POLE: variants seen among roughly 807,000 people sequenced by gnomAD.
POLE encodes the protein DNA polymerase epsilon, catalytic subunit, also known as DNA polymerase epsilon catalytic subunit A.
POLE carries 188 observed loss-of-function variants against 279.2 expected under a neutral mutation model. That is an observed-to-expected ratio of 0.67 (90% CI 0.60 to 0.76). The LOEUF (loss-of-function observed/expected upper bound fraction) is 0.76. Among genes scored for constraint, POLE ranks in the 30% least tolerant of loss-of-function variants. The pLI, the probability that POLE is intolerant of heterozygous loss-of-function variation, is 0.00. For synonymous variants in POLE, 1,214 were observed against 1,172.5 expected (o/e 1.04, Z -0.72); for missense variants, 2,703 against 3,016.7 (o/e 0.90, Z 2.44).
At position 132,657,189 on chromosome 12, in the gene POLE, C is replaced by T. The variant is rs2042562353; in HGVS notation, c.3529G>A (p.Val1177Ile). 1.2e-6 allele frequency: 2 copies of T among 1,613,974 alleles called. No individual in the cohort carries two copies. Among genetic ancestry groups the T allele is most frequent in the Non-Finnish European group, 8.5e-7 (1 of 1,179,974 alleles). The change falls in exon 29 of 49, where the codon GTC becomes ATC. Residue 1177 changes from valine (V) to isoleucine (I), a missense_variant. Transcript: ENST00000320574. ...LHKKLLEKND[V>I]YKQKKISELF... ...TCACTGATCTTCTTCTGCTTGTAGA[C>T]ATCATTCTTCTCCAGCAGTTTTTTG...
intron 2 of POLE, 125 bp from the exon 3 acceptor site, chr12:132,680,812 C>T: frequency 4.0e-6 from 3 of 741,066 alleles, no homozygotes; most frequent in Non-Finnish European, 7.0e-6. Flanking sequence ...CTTTACTCCA[C>T]CCCTACATTA....
chr12:132,659,593 G>T, intron 25 of POLE, 84 bp from the exon 26 acceptor site: 2 of 1,159,070 alleles, frequency 1.7e-6, no homozygotes, highest in East Asian at 2.4e-5. Context: ...TCTAGGCCAT[G>T]CCCTTCTCTA....
In POLE at chr12:132,639,076, C is replaced by T. The variant is rs2138507483; in HGVS notation, c.5552+49G>A. The T allele has an allele frequency of 6.4e-7, 1 of 1,552,772 alleles. No homozygotes were observed. On this transcript the variant is annotated intron_variant, in intron 40 of 48. Coordinates refer to ENST00000320574, the MANE Select transcript of POLE (RefSeq NM_006231.4). The surrounding 1 kb of genome is among the most constrained non-coding windows in gnomAD (Gnocchi z 4.7). ...TCTCTGGTTCTGGGGAGTAAGGGAC[C>T]AGCCCAGCTGAGGACGCGGTGGACA...
chr12:132,634,400 G>A lies in POLE; in HGVS notation c.5812-22C>T, dbSNP rs536438512. ...CTTGCTGTAACACATGAGACAACGC[G>A]GCTGTGTTTGCACCATCGCGGCCTG... On this transcript the variant is annotated intron_variant, in intron 42 of 48. Coordinates refer to ENST00000320574, the MANE Select transcript of POLE (RefSeq NM_006231.4). The surrounding 1 kb of genome is among the most constrained non-coding windows in gnomAD (Gnocchi z 4.0). The A allele has an allele frequency of 6.9e-6, 11 of 1,603,592 alleles. No homozygotes were observed. Among genetic ancestry groups the A allele is most frequent in the Middle Eastern group, 1.7e-4 (1 of 5,988 alleles).
At position 132,632,359 on chromosome 12, in the gene POLE, G is replaced by C. The variant is rs1049603207; in HGVS notation, c.6286C>G (p.Leu2096Val). 10 of 1,614,066 alleles carry C rather than the reference G, an allele frequency of 6.2e-6. No individual in the cohort carries two copies. The highest frequency in any genetic ancestry group is 2.2e-5 in the East Asian group (1 of 44,896). Reference protein sequence around the residue: ...MFPVLPGSHLLLNNPALEFIK... With the variant: ...MFPVLPGSHLVLNNPALEFIK... ...AACTCCAGGGCAGGGTTATTGAGCA[G>C]CAAGTGGGAACCGGGGAGGACAGGA... Residue 2096 changes from leucine (L) to valine (V), a missense_variant, in exon 45 of 49, where the codon CTG becomes GTG. Coordinates refer to ENST00000320574, the MANE Select transcript of POLE (RefSeq NM_006231.4).
chr12:132,624,290 G>A lies in POLE; in HGVS notation c.*407C>T, dbSNP rs2041784972. Reference sequence around the variant, plus strand: ...TCTCGTCTCAGAGCCCAATCTCAGGGAGCCAGAAGCCCCCAGGGGCTTTTC... The same window carrying A: ...TCTCGTCTCAGAGCCCAATCTCAGGAAGCCAGAAGCCCCCAGGGGCTTTTC... On this transcript the variant is annotated 3_prime_UTR_variant, in exon 49 of 49. Transcript: ENST00000320574. 3 of 278,480 alleles carry A rather than the reference G, an allele frequency of 1.1e-5. No individual in the cohort carries two copies. The South Asian group carries it at 2.6e-4, about 24-fold the overall frequency. 17.3% of individuals were successfully genotyped at this position (278,480 alleles called of 1,614,324 possible).
At chr12:132,671,262 C>CAAAAA (rs397850854) in intron 16 of POLE, among the ~76,000 whole-genome samples, 1 of 64,492 alleles carries the variant, frequency 1.6e-5, no homozygotes, top group Non-Finnish European at 2.7e-5. Context: ...GACTCCGTCT[C>CAAAAA]AAAAAAAAAA....
intron 45 of POLE, among the ~76,000 whole-genome samples, chr12:132,627,841 GACA>G (rs1057209815): frequency 8.4e-4 from 128 of 152,270 alleles, no homozygotes; most frequent in African/African-American, 3.0e-3. Context: ...CTTAAAACAA[GACA>G]ACAATGAAGT....
Position 132,676,745 on chromosome 12 carries a change from G to C in POLE, c.802-92C>G, listed in dbSNP as rs1419320264. On this transcript the variant is annotated intron_variant, in intron 8 of 48. Transcript: ENST00000320574. ...CCCCAGCCTGCTCTACCTCCCTCTGGTTGTTAAAAGAGTCAAAAGGCTCTA... is the reference window on the plus strand; with the variant it reads ...CCCCAGCCTGCTCTACCTCCCTCTGCTTGTTAAAAGAGTCAAAAGGCTCTA... The C allele has an allele frequency of 5.2e-6, 4 of 769,306 alleles. No homozygotes were observed. The Admixed American group carries it at 6.3e-5, about 12-fold the overall frequency. 47.7% of individuals were successfully genotyped at this position (769,306 alleles called of 1,614,324 possible).
chr12:132,639,952 AAAAAC>A lies in POLE; in HGVS notation c.5379-659_5379-655del, dbSNP rs10526281. On this transcript the variant is annotated intron_variant, in intron 39 of 48. Transcript: ENST00000320574. This position sits in a 1 kb window ranked among gnomAD's most constrained non-coding sequence, Gnocchi z 4.7. Reference sequence around the variant, plus strand: ...ACAGAGTGAGACTGTCTCAAAAAACAAAAACAAAACAAAACAAAACAAAACAAAAC... The same window carrying A: ...ACAGAGTGAGACTGTCTCAAAAAACAAAAACAAAACAAAACAAAACAAAAC... 0.22 allele frequency among the ~76,000 whole-genome samples: 33,297 copies of A among 148,614 alleles called. 4,067 individuals carry two copies. Among genetic ancestry groups the A allele is most frequent in the Non-Finnish European group, 0.28 (18,585 of 67,188 alleles).
At position 132,664,681 on chromosome 12, in the gene POLE, C is replaced by T. The variant is rs1204980847; in HGVS notation, c.2469-219G>A. ...TGCCCAGGAAGGATCTGGAAGGGTG[C>T]AGTATGTGCCACTGCGTCCAGCCGT... On this transcript the variant is annotated intron_variant, in intron 21 of 48. Transcript: ENST00000320574. This position sits in a 1 kb window ranked among gnomAD's most constrained non-coding sequence, Gnocchi z 5.3. Among the ~76,000 whole-genome samples the T allele has an allele frequency of 6.6e-6, 1 of 152,192 alleles. No homozygotes were observed. The highest frequency in any genetic ancestry group is 2.4e-5 in the African/African-American group (1 of 41,444).
rs780409701 is a variant in POLE, at chr12:132,643,990, C to T, written c.4150-13G>A. On this transcript the variant is annotated splice_polypyrimidine_tract_variant and intron_variant, in intron 32 of 48. Transcript: ENST00000320574. ...GGACCCGATTTACCTGGCGAGAATA[C>T]GACGATGATCTCGTCACTGGGCGTA... is the stretch of plus-strand genomic sequence containing the variant. 1.5e-5 allele frequency: 24 copies of T among 1,608,666 alleles called. No individual in the cohort carries two copies. Among genetic ancestry groups the T allele is most frequent in the East Asian group, 2.2e-5 (1 of 44,758 alleles).
chr12:132,624,823 AC>A lies in POLE; in HGVS notation c.6748-14del. 6.2e-7 allele frequency: 1 copy of A among 1,602,132 alleles called. No individual in the cohort carries two copies. The highest frequency in any genetic ancestry group is 8.6e-7 in the Non-Finnish European group (1 of 1,169,046). On this transcript the variant is annotated splice_polypyrimidine_tract_variant and intron_variant, in intron 48 of 48. Transcript: ENST00000320574. Reference sequence around the variant, plus strand: ...GTTCCATGAAGACCTGCAGGAATAAACAGGCACAGTGAGACCCCAGTCCACT... The same window carrying A: ...GTTCCATGAAGACCTGCAGGAATAAAAGGCACAGTGAGACCCCAGTCCACT...
At chr12:132,652,484 ATGT>A (rs2042444867) in intron 29 of POLE, among the ~76,000 whole-genome samples, 1 of 151,664 alleles carries the variant, frequency 6.6e-6, no homozygotes, top group Non-Finnish European at 1.5e-5. Context: ...ACCATGCCTA[ATGT>A]TGTGCCGGAT....
intron 34 of POLE, 21 bp from the exon 35 acceptor site, chr12:132,643,351 G>A (rs375063215): frequency 1.4e-5 from 23 of 1,613,960 alleles, no homozygotes; most frequent in African/African-American, 4.0e-5. Flanking sequence ...AAACAAGACC[G>A]TCACCCCAGA....
In POLE at chr12:132,685,878, AT is replaced by A. The variant is rs200263950; in HGVS notation, c.62+1375del. Among the ~76,000 whole-genome samples the A allele has an allele frequency of 3.1e-3, 440 of 143,138 alleles. 1 individual carries two copies. Among genetic ancestry groups the A allele is most frequent in the African/African-American group, 7.7e-3 (302 of 39,114 alleles). The allele number at this position is 143,138 out of a possible 152,430, so 93.9% of individuals were successfully genotyped here. ...CTTCACGTTCTCACACGTTTTTTCT[AT>A]TTTTTTTTTTTTGAGACAGAGTTTC... is the stretch of plus-strand genomic sequence containing the variant. On this transcript the variant is annotated intron_variant, in intron 1 of 48. Coordinates refer to ENST00000320574, the MANE Select transcript of POLE (RefSeq NM_006231.4).
chr12:132,640,354 C>T (rs2042117240), intron 39 of POLE, among the ~76,000 whole-genome samples: 1 of 152,232 alleles, frequency 6.6e-6, no homozygotes, highest in Admixed American at 6.5e-5. Context: ...CTGCCCTGGG[C>T]TGGGTCTTCC....
At chr12:132,686,899 C>T (rs1361836236) in intron 1 of POLE, among the ~76,000 whole-genome samples, 6 of 150,582 alleles carry the variant, frequency 4.0e-5, no homozygotes, top group Admixed American at 3.3e-4. Flanking sequence ...AGCCGCGCGT[C>T]CACCCCGCAG....
intron 12 of POLE, among the ~76,000 whole-genome samples, chr12:132,673,941 G>A (rs931548269): frequency 5.9e-5 from 9 of 152,144 alleles, no homozygotes; most frequent in East Asian, 1.9e-4. Flanking sequence ...TGGTCCTTCC[G>A]GCCCTCGCCT....
Sources: allele counts gnomAD v4.1 joint callset (sites outside exome capture counted in the v4.1 genomes callset), GRCh38; gene constraint gnomAD v4.1.1; non-coding constraint Gnocchi (gnomAD v3.1); transcripts MANE v1.5; gene names NCBI Gene and HGNC (gene_info 2026-07-23, HGNC 2026-07-21).